The following TUB variants were observed in gnomAD, a reference collection of about 807,000 sequenced individuals.
TUB encodes the protein tubby protein homolog.
TUB carries 33 observed loss-of-function variants against 59.7 expected under a neutral mutation model. The ratio of observed to expected loss-of-function variants is 0.55; its 90% CI spans 0.42 to 0.74. TUB has a LOEUF of 0.74. Among genes scored for constraint, TUB ranks in the 30% least tolerant of loss-of-function variants. The pLI is 0.00. For missense variants in TUB, 659 were observed against 672.0 expected (o/e 0.98, Z 0.21); for synonymous variants, 293 against 256.4 (o/e 1.14, Z -1.36).
intron 2 of TUB, among the ~76,000 whole-genome samples, chr11:8,049,578 T>TATATAG (rs1055522231): frequency 5.1e-4 from 44 of 85,916 alleles, no homozygotes; most frequent in African/African-American, 6.7e-4. Flanking sequence ...TATATATATA[T>TATATAG]ATAGATAGAT....
At chr11:8,072,150 CA>C (rs1393928739) in intron 2 of TUB, among the ~76,000 whole-genome samples, 1 of 152,164 alleles carries the variant, frequency 6.6e-6, no homozygotes, top group African/African-American at 2.4e-5. Flanking sequence ...CACAGTGATG[CA>C]AAGGACGCAG....
At chr11:8,055,230 T>A (rs923976405) in intron 2 of TUB, among the ~76,000 whole-genome samples, 20 of 151,696 alleles carry the variant, frequency 1.3e-4, no homozygotes, top group South Asian at 8.4e-4. Flanking sequence ...TGTGCGTGTG[T>A]GAGAGAGAGA....
chr11:8,071,669 G>T (rs896242820), intron 2 of TUB, among the ~76,000 whole-genome samples: 4 of 152,224 alleles, frequency 2.6e-5, no homozygotes, highest in African/African-American at 9.6e-5. Context: ...GGAGGATGGG[G>T]TGGAATACAG....
chr11:8,027,153 A>G (rs893045914), intron 1 of TUB, among the ~76,000 whole-genome samples: 4 of 152,218 alleles, frequency 2.6e-5, no homozygotes, highest in Non-Finnish European at 5.9e-5. Flanking sequence ...ATTTCTGAGT[A>G]TACAAGTCCG....
intron 2 of TUB, chr11:8,060,158 G>A (rs541961034): frequency 6.5e-6 from 1 of 152,786 alleles, no homozygotes; most frequent in Non-Finnish European, 1.5e-5. Context: ...GAGCCATCAG[G>A]AAGTAGATTT....
chr11:8,060,733 G>C (rs1009006286), intron 2 of TUB, among the ~76,000 whole-genome samples: 2 of 152,188 alleles, frequency 1.3e-5, no homozygotes, highest in Non-Finnish European at 2.9e-5. Flanking sequence ...CTTCATGAAA[G>C]GATGTTTTCC....
chr11:8,033,174 A>G (rs1315734422), intron 1 of TUB, among the ~76,000 whole-genome samples: 1 of 152,142 alleles, frequency 6.6e-6, no homozygotes. Flanking sequence ...CCTGGGGCCC[A>G]TCGTGCCCCA....
intron 2 of TUB, among the ~76,000 whole-genome samples, chr11:8,071,682 C>G (rs1482701268): frequency 6.6e-6 from 1 of 152,150 alleles, no homozygotes; most frequent in East Asian, 1.9e-4. Context: ...GAATACAGTT[C>G]AGAATAGGCA....
At position 8,097,797 on chromosome 11, in the gene TUB, A is replaced by C; in HGVS notation, c.969A>C (p.Arg323=). The C allele has an allele frequency of 6.2e-7, 1 of 1,613,902 alleles. No homozygotes were observed. The highest frequency in any genetic ancestry group is 1.7e-5 in the Admixed American group (1 of 59,994). Residue 323 remains arginine, a synonymous_variant, in exon 8 of 12, where the codon CGA becomes CGC. Transcript: ENST00000299506. ...LISVDPTDLS[R]GGDSYIGKLR... is the part of the protein sequence containing the mutation. ...CTGTGGACCCAACAGACTTGTCTCGAGGAGGGGACAGCTATATCGGGAAAC... is the reference window on the plus strand; with the variant it reads ...CTGTGGACCCAACAGACTTGTCTCGCGGAGGGGACAGCTATATCGGGAAAC...
At chr11:8,056,480 G>A (rs577698785) in intron 2 of TUB, among the ~76,000 whole-genome samples, 10 of 152,284 alleles carry the variant, frequency 6.6e-5, no homozygotes, top group Admixed American at 5.9e-4. Context: ...AAGGCAGGGG[G>A]ACGTCTGGAG....
At position 8,038,641 on chromosome 11, in the gene TUB, T is replaced by C. The variant is rs529301912; in HGVS notation, c.-233T>C. The C allele has an allele frequency of 1.4e-5, 18 of 1,261,050 alleles. No individual in the cohort carries two copies. In the East Asian group the frequency reaches 5.0e-4, roughly 35 times the overall value. The allele number at this position is 1,261,050 out of a possible 1,614,324, so 78.1% of individuals were successfully genotyped here. On this transcript the variant is annotated 5_prime_UTR_variant, in exon 1 of 13. Transcript: ENST00000305253. ...GGCATGGCCACTGAGACCTTGAGGA[T>C]TCAGTCTGGTCCTGAAGGGTTTGGG...
intron 1 of TUB, among the ~76,000 whole-genome samples, chr11:8,087,266 A>C (rs1329697169): frequency 6.6e-6 from 1 of 152,138 alleles, no homozygotes; most frequent in Non-Finnish European, 1.5e-5. Flanking sequence ...CCCTTTTCTA[A>C]ATGACTCTAG....
chr11:8,082,106 A>G (rs1377589897), intron 1 of TUB, among the ~76,000 whole-genome samples: 2 of 152,248 alleles, frequency 1.3e-5, no homozygotes, highest in African/African-American at 4.8e-5. Context: ...ATATCTGTGC[A>G]CGTCCACCTC....
At chr11:8,051,711 T>C (rs1320136641) in intron 2 of TUB, among the ~76,000 whole-genome samples, 1 of 152,224 alleles carries the variant, frequency 6.6e-6, no homozygotes, top group Non-Finnish European at 1.5e-5. Context: ...CCTAATAAAC[T>C]TTTATGGCTT....
At chr11:8,098,206 G>C (rs753363367) in intron 8 of TUB, among the ~76,000 whole-genome samples, 2 of 152,152 alleles carry the variant, frequency 1.3e-5, no homozygotes, top group African/African-American at 4.8e-5. Context: ...AATCTTGGGG[G>C]TGGGGGGCAG....
In TUB at chr11:8,045,586, GA is replaced by G. The variant is rs756481337; in HGVS notation, c.203+5895del. On this transcript the variant is annotated intron_variant, in intron 2 of 12. Transcript: ENST00000305253. ...ATCTGAAACTTTTTGAGAGCCAAAT[GA>G]CACTCAAAGGAAGGGCTCATTGGAG... 1.6e-4 allele frequency among the ~76,000 whole-genome samples: 25 copies of G among 152,214 alleles called. 1 individual carries two copies. The highest frequency in any genetic ancestry group is 3.4e-4 in the Non-Finnish European group (23 of 68,036).
chr11:8,084,566 C>T (rs1943631482), intron 1 of TUB, among the ~76,000 whole-genome samples: 1 of 152,208 alleles, frequency 6.6e-6, no homozygotes, highest in South Asian at 2.1e-4. Context: ...GTGGCCCCGT[C>T]CTCAGTGCCC....
In TUB at chr11:8,090,136, A is replaced by G; in HGVS notation, c.158A>G (p.Asp53Gly). Reference sequence around the variant, plus strand: ...CCCCTGATGGTGCAGGCCAATGCAGATGGGCGGCCCCGGAGCCGGCGGGCC... The same window carrying G: ...CCCCTGATGGTGCAGGCCAATGCAGGTGGGCGGCCCCGGAGCCGGCGGGCC... ...QEPLMVQANA[D>G]GRPRSRRARQ... Residue 53 changes from aspartate to glycine, a missense_variant, in exon 3 of 12, where the codon GAT becomes GGT. Physicochemically the swap from Asp to Gly is moderately conservative, Grantham distance 94. Coordinates refer to ENST00000299506, the MANE Select transcript of TUB (RefSeq NM_177972.3). 6.2e-7 allele frequency: 1 copy of G among 1,613,588 alleles called. No homozygotes were observed. Among genetic ancestry groups the G allele is most frequent in the South Asian group, 1.1e-5 (1 of 91,074 alleles).
At chr11:8,021,337 G>A (rs1339594832) in intron 1 of TUB, among the ~76,000 whole-genome samples, 1 of 152,130 alleles carries the variant, frequency 6.6e-6, no homozygotes, top group African/African-American at 2.4e-5. Flanking sequence ...GGGCATGGAG[G>A]TGCACGCCTG....
Sources: gnomAD v4.1 joint callset for allele counts (sites outside exome capture counted in the v4.1 genomes callset) on GRCh38, gnomAD v4.1.1 for gene constraint, MANE v1.5 for transcripts, NCBI Gene and HGNC (gene_info 2026-07-23, HGNC 2026-07-21) for gene names.